ZNF407: variants seen among roughly 807,000 people sequenced by gnomAD.
ZNF407 encodes the protein zinc finger protein 407.
A neutral mutation model predicts 131.2 loss-of-function variants in ZNF407; 17 were observed. The observed-to-expected ratio is 0.13, with a 90% CI of 0.09 to 0.19. The LOEUF is 0.19. Among genes scored for constraint, ZNF407 ranks in the 10% least tolerant of loss-of-function variants. The pLI, the probability that ZNF407 is intolerant of heterozygous loss-of-function variation, is 1.00. For synonymous variants in ZNF407, 1,156 were observed against 1,062.0 expected (o/e 1.09, Z -1.72); for missense variants, 2,681 against 2,830.6 (o/e 0.95, Z 1.20).
chr18:74,950,368 TTAG>T, intron 8 of ZNF407, among the ~76,000 whole-genome samples: 7 of 152,332 alleles, frequency 4.6e-5, no homozygotes, highest in African/African-American at 1.7e-4. Context: ...CAATGCAGTC[TTAG>T]TAGGTCCTCA....
At chr18:74,709,486 A>G (rs920154531) in intron 3 of ZNF407, among the ~76,000 whole-genome samples, 1 of 152,228 alleles carries the variant, frequency 6.6e-6, no homozygotes, top group Non-Finnish European at 1.5e-5. Flanking sequence ...AATATTGATA[A>G]TGTATTAATG....
At chr18:74,638,797 G>C (rs894914600) in intron 2 of ZNF407, among the ~76,000 whole-genome samples, 2 of 152,128 alleles carry the variant, frequency 1.3e-5, no homozygotes, top group African/African-American at 4.8e-5. Context: ...GAAATATTTA[G>C]AGATCTGCAA....
At chr18:74,758,000 G>A (rs1969004430) in intron 3 of ZNF407, among the ~76,000 whole-genome samples, 2 of 152,072 alleles carry the variant, frequency 1.3e-5, no homozygotes, top group South Asian at 4.1e-4. Flanking sequence ...ATCCTGATAC[G>A]TTCAACTTAC....
intron 4 of ZNF407, among the ~76,000 whole-genome samples, chr18:74,791,597 G>C (rs1275727198): frequency 6.6e-6 from 1 of 152,090 alleles, no homozygotes; most frequent in Admixed American, 6.6e-5. Flanking sequence ...GAAAGCCATG[G>C]CTCCCTGTCT....
At chr18:74,881,286 C>T (rs1380169889) in intron 6 of ZNF407, among the ~76,000 whole-genome samples, 167 bp downstream of exon 6, 1 of 152,210 alleles carries the variant, frequency 6.6e-6, no homozygotes, top group African/African-American at 2.4e-5. Flanking sequence ...TTTAAATCAT[C>T]TCTTTTTATA....
At chr18:74,835,194 C>T (rs1008478502) in intron 4 of ZNF407, among the ~76,000 whole-genome samples, 7 of 152,184 alleles carry the variant, frequency 4.6e-5, no homozygotes, top group Admixed American at 1.3e-4. Context: ...CTCAAACCCA[C>T]GCTTATAGCT....
At position 74,922,107 on chromosome 18, in the gene ZNF407, T is replaced by G. The variant is rs1971854124; in HGVS notation, c.5428+1415T>G. On this transcript the variant is annotated intron_variant, in intron 8 of 8. Transcript: ENST00000299687. ...GAGGTCTCTGCTCATTCCCTTTTGG[T>G]GAGGTTGTCACTGAAAAGGTTTTGA... 2.6e-5 allele frequency among the ~76,000 whole-genome samples: 4 copies of G among 152,202 alleles called. 1 individual carries two copies. The South Asian group carries it at 8.3e-4, about 32-fold the overall frequency.
chr18:74,612,616 T>C (rs1485050697), intron 1 of ZNF407, among the ~76,000 whole-genome samples: 1 of 152,176 alleles, frequency 6.6e-6, no homozygotes, highest in African/African-American at 2.4e-5. Flanking sequence ...CGATGATAAT[T>C]ATTAATACTT....
intron 3 of ZNF407, among the ~76,000 whole-genome samples, chr18:74,656,006 A>G (rs1041874090): frequency 5.9e-5 from 9 of 152,058 alleles, no homozygotes; most frequent in African/African-American, 1.9e-4. Flanking sequence ...GGAGAATTTT[A>G]TATTTATAAT....
intron 3 of ZNF407, among the ~76,000 whole-genome samples, chr18:74,741,446 A>G (rs1318491389): frequency 6.6e-6 from 1 of 152,190 alleles, no homozygotes; most frequent in Non-Finnish European, 1.5e-5. Flanking sequence ...GCTATAGCCT[A>G]AAACAACTGT....
intron 8 of ZNF407, among the ~76,000 whole-genome samples, chr18:75,054,860 C>T (rs1364219029): frequency 6.6e-6 from 1 of 152,240 alleles, no homozygotes; most frequent in African/African-American, 2.4e-5. Flanking sequence ...GAGGGACTGA[C>T]ATTCCACAGC....
chr18:74,749,671 G>T (rs562434166), intron 3 of ZNF407, among the ~76,000 whole-genome samples: 2 of 152,090 alleles, frequency 1.3e-5, no homozygotes, highest in East Asian at 3.8e-4. Flanking sequence ...ATTGGCTCCC[G>T]AATCATTCTA....
At chr18:74,904,898 G>C (rs193088605) in intron 7 of ZNF407, among the ~76,000 whole-genome samples, 1 of 152,312 alleles carries the variant, frequency 6.6e-6, no homozygotes, top group African/African-American at 2.4e-5. Context: ...GTGGAAGTTA[G>C]AAAAGCATTT....
At chr18:74,808,244 C>T (rs777996977) in intron 4 of ZNF407, among the ~76,000 whole-genome samples, 1 of 152,138 alleles carries the variant, frequency 6.6e-6, no homozygotes, top group Non-Finnish European at 1.5e-5. Context: ...GAACTCCTGA[C>T]CTCAGGTGAT....
At chr18:74,835,138 C>CT (rs1252711249) in intron 4 of ZNF407, among the ~76,000 whole-genome samples, 5 of 152,112 alleles carry the variant, frequency 3.3e-5, no homozygotes, top group Non-Finnish European at 7.4e-5. Flanking sequence ...AGCTCATAGT[C>CT]TTTTTCCTGA....
chr18:74,791,783 T>G (rs1438420187), intron 4 of ZNF407, among the ~76,000 whole-genome samples: 1 of 152,198 alleles, frequency 6.6e-6, no homozygotes, highest in Non-Finnish European at 1.5e-5. Context: ...GTCTCCAGAC[T>G]AGATGGTTAA....
chr18:74,683,107 G>C (rs1243281825), intron 3 of ZNF407, among the ~76,000 whole-genome samples: 4 of 152,166 alleles, frequency 2.6e-5, no homozygotes, highest in African/African-American at 9.7e-5. Flanking sequence ...GGGCAGGGTA[G>C]AAAGCAGTTT....
intron 1 of ZNF407, among the ~76,000 whole-genome samples, chr18:74,600,000 A>G (rs1284747161): frequency 6.6e-6 from 1 of 152,232 alleles, no homozygotes; most frequent in East Asian, 1.9e-4. Context: ...TAATGCATTC[A>G]GGAAACATTT....
chr18:74,718,243 G>A (rs1967944046), intron 3 of ZNF407, among the ~76,000 whole-genome samples: 1 of 150,922 alleles, frequency 6.6e-6, no homozygotes, highest in African/African-American at 2.5e-5. Flanking sequence ...GAAGGAACCA[G>A]AGATTACTTT....
Sources: allele counts gnomAD v4.1 joint callset (sites outside exome capture counted in the v4.1 genomes callset), GRCh38; gene constraint gnomAD v4.1.1; transcripts MANE v1.5; gene names NCBI Gene and HGNC (gene_info 2026-07-23, HGNC 2026-07-21).